ZNF48: variants seen among roughly 807,000 people sequenced by gnomAD.
ZNF48 encodes zinc finger protein 48.
Under a neutral mutation model 40.0 loss-of-function variants are expected in ZNF48, and 20 were observed. The ratio of observed to expected loss-of-function variants is 0.50; its 90% CI spans 0.35 to 0.73. ZNF48 has a LOEUF of 0.73. Among genes scored for constraint, ZNF48 ranks in the 30% least tolerant of loss-of-function variants. The probability of loss-of-function intolerance (pLI) is 0.01; values close to 1 mark genes in which losing one functional copy is unlikely to be tolerated. For synonymous variants in ZNF48, 298 were observed against 329.7 expected, an observed-to-expected ratio of 0.90 and a Z score of 1.04; for missense variants, 726 against 851.9, an observed-to-expected ratio of 0.85 and a Z score of 1.84.
At chr16:30,383,943 G>A (rs1270362152) in intron 1 of ZNF48, among the ~76,000 whole-genome samples, 4 of 152,170 alleles carry the variant, frequency 2.6e-5, no homozygotes, top group Admixed American at 6.6e-5. Flanking sequence ...CCTGGCTGGC[G>A]TGGTGGCTCA....
upstream of ZNF48, chr16:30,395,119 G>C (rs1436453212): frequency 1.4e-5 from 6 of 432,162 alleles, no homozygotes; most frequent in Non-Finnish European, 2.8e-5. The surrounding 1 kb of genome is among the most constrained non-coding windows in gnomAD (Gnocchi z 5.9). Context: ...CTCTTTCTTT[G>C]TCTCTCCCAG....
Position 30,382,472 on chromosome 16 carries a change from A to G in ZNF48, c.-16+4062A>G. 1 of 1,588,378 alleles carries G rather than the reference A, an allele frequency of 6.3e-7. No individual in the cohort carries two copies. Among genetic ancestry groups the G allele is most frequent in the South Asian group, 1.1e-5 (1 of 89,194 alleles). Reference sequence around the variant, plus strand: ...AGAGTCAGTGGGGTCTGGGGACCCCAGGCATGGGGGCTGGGGGCCGAGATG... The same window carrying G: ...AGAGTCAGTGGGGTCTGGGGACCCCGGGCATGGGGGCTGGGGGCCGAGATG... On this transcript the variant is annotated intron_variant, in intron 1 of 2. Coordinates refer to the ZNF48 transcript ENST00000528032. The surrounding 1 kb of genome is among the most constrained non-coding windows in gnomAD (Gnocchi z 4.8).
chr16:30,399,184 G>A lies in ZNF48; in HGVS notation c.*77G>A. 1 of 1,351,682 alleles carries A rather than the reference G, an allele frequency of 7.4e-7. No individual in the cohort carries two copies. Among genetic ancestry groups the A allele is most frequent in the Non-Finnish European group, 1.0e-6 (1 of 1,003,410 alleles). The allele number at this position is 1,351,682 out of a possible 1,614,324, so 83.7% of individuals were successfully genotyped here. ...GCTTAGCAGAGAAGAAAGGGCCTGG[G>A]AGGTGGTGGGAGGGAGAAGGAAGGG... is the stretch of plus-strand genomic sequence containing the variant. On this transcript the variant is annotated 3_prime_UTR_variant, in exon 3 of 3. Coordinates refer to ENST00000613509, the MANE Select transcript of ZNF48 (RefSeq NM_001214909.2).
In ZNF48 at chr16:30,397,148, G is replaced by A. The variant is rs1001939121; in HGVS notation, c.80-182G>A. 6.6e-6 allele frequency among the ~76,000 whole-genome samples: 1 copy of A among 152,108 alleles called. No individual in the cohort carries two copies. Among genetic ancestry groups the A allele is most frequent in the East Asian group, 1.9e-4 (1 of 5,200 alleles). ...GTTTGGTGAATGACATACATTAAGG[G>A]CACAGTAAAAAGAAGTTTTTATTGA... is the stretch of plus-strand genomic sequence containing the variant. On this transcript the variant is annotated intron_variant, in intron 2 of 2. Coordinates refer to ENST00000613509, the MANE Select transcript of ZNF48 (RefSeq NM_001214909.2). The surrounding 1 kb of genome is among the most constrained non-coding windows in gnomAD (Gnocchi z 4.1).
At chr16:30,384,468 G>A (rs1330899219) in intron 1 of ZNF48, among the ~76,000 whole-genome samples, 2 of 152,136 alleles carry the variant, frequency 1.3e-5, no homozygotes, top group African/African-American at 4.8e-5. Context: ...AGGTTGCAGC[G>A]AGCCAAGATC....
intron 1 of ZNF48, among the ~76,000 whole-genome samples, chr16:30,389,316 G>A (rs142571602): frequency 2.1e-3 from 321 of 151,768 alleles, no homozygotes; most frequent in Non-Finnish European, 3.5e-3. Flanking sequence ...GCGTGAACCC[G>A]GGAGGTGTAG....
Position 30,395,657 on chromosome 16 carries a change from C to T in ZNF48, c.-16+79C>T. ...GGCGCGGGCAGGGGGCACCGGGAGCCGCGCCCGTACCTGGGACCCGACGCC... is the reference window on the plus strand; with the variant it reads ...GGCGCGGGCAGGGGGCACCGGGAGCTGCGCCCGTACCTGGGACCCGACGCC... On this transcript the variant is annotated intron_variant, in intron 1 of 2. Transcript: ENST00000613509. This position sits in a 1 kb window ranked among gnomAD's most constrained non-coding sequence, Gnocchi z 5.9. 2 of 733,510 alleles carry T rather than the reference C, an allele frequency of 2.7e-6. No homozygotes were observed. The highest frequency in any genetic ancestry group is 4.9e-5 in the Admixed American group (1 of 20,446). 45.4% of individuals were successfully genotyped at this position (733,510 alleles called of 1,614,324 possible).
chr16:30,385,020 T>C (rs758388739), intron 1 of ZNF48, among the ~76,000 whole-genome samples: 2 of 151,424 alleles, frequency 1.3e-5, no homozygotes, highest in Middle Eastern at 3.4e-3. Flanking sequence ...CTACTAAAAA[T>C]ACAAAATTAG....
chr16:30,395,551 G>A lies in ZNF48; in HGVS notation c.-43G>A. The stretch of plus-strand genomic sequence containing the variant: ...GCTGAGGAGCTCCGGAGGGCGCCGG[G>A]GTGGCGGAGCCGGAGGCGGCCGGCA... On this transcript the variant is annotated 5_prime_UTR_variant, in exon 1 of 3. Transcript: ENST00000613509. The surrounding 1 kb of genome is among the most constrained non-coding windows in gnomAD (Gnocchi z 5.9). The A allele has an allele frequency of 4.5e-6, 1 of 222,036 alleles. No individual in the cohort carries two copies. Among genetic ancestry groups the A allele is most frequent in the Non-Finnish European group, 8.7e-6 (1 of 115,192 alleles). 13.8% of individuals were successfully genotyped at this position (222,036 alleles called of 1,614,324 possible). A position where few individuals can be genotyped will look rare whatever the true frequency, so the allele number is the denominator to read the frequency against.
rs769345363 is a variant in ZNF48 at position 30,398,183 on chromosome 16, G to A, written c.933G>A (p.Glu311=). 3 of 1,614,006 alleles carry A rather than the reference G, an allele frequency of 1.9e-6. No homozygotes were observed. Among genetic ancestry groups the A allele is most frequent in the Non-Finnish European group, 2.5e-6 (3 of 1,180,000 alleles). ...TTGGCTGTGATGTGTGTGGAAAGGA[G>A]TTTGCCCGGGGATCCGACCTGGTGA... ...KPFGCDVCGK[E]FARGSDLVKH... Residue 311 remains glutamate, a synonymous_variant, in exon 3 of 3, where the codon GAG becomes GAA. Coordinates refer to ENST00000613509, the MANE Select transcript of ZNF48 (RefSeq NM_001214909.2). The surrounding 1 kb of genome is among the most constrained non-coding windows in gnomAD (Gnocchi z 6.6).
chr16:30,399,301 T>A lies in ZNF48; in HGVS notation c.*194T>A. ...GTCCTGGCTGGGCTGAGTCAGGACC[T>A]TGCCAGGACGGGCTGTACCCCTGGC... is the stretch of plus-strand genomic sequence containing the variant. On this transcript the variant is annotated 3_prime_UTR_variant, in exon 3 of 3. Transcript: ENST00000613509. 1 of 576,598 alleles carries A rather than the reference T, an allele frequency of 1.7e-6. No homozygotes were observed. The highest frequency in any genetic ancestry group is 2.9e-5 in the South Asian group (1 of 34,830). 35.7% of individuals were successfully genotyped at this position (576,598 alleles called of 1,614,324 possible). A position where few individuals can be genotyped will look rare whatever the true frequency, so the allele number is the denominator to read the frequency against.
At chr16:30,387,042 A>G (rs1418508821) in intron 1 of ZNF48, among the ~76,000 whole-genome samples, 1 of 146,566 alleles carries the variant, frequency 6.8e-6, no homozygotes, top group East Asian at 2.0e-4. Context: ...TCCAGGGTTC[A>G]CGCCATTCTC....
At chr16:30,378,925 C>T in intron 1 of ZNF48, 1 of 1,282,846 alleles carries the variant, frequency 7.8e-7, no homozygotes, top group Admixed American at 2.0e-5. Context: ...GTGGTGAAGG[C>T]GGAGTCACGG....
At position 30,382,414 on chromosome 16, in the gene ZNF48, G is replaced by A. The variant is rs771229211; in HGVS notation, c.-16+4004G>A. ...GAGGCTGCTGGCAATGGCAGGCAGG[G>A]TCCCCAGGATCACTTGAGTTCCTGG... On this transcript the variant is annotated intron_variant, in intron 1 of 2. Transcript: ENST00000528032. The surrounding 1 kb of genome is among the most constrained non-coding windows in gnomAD (Gnocchi z 4.8). 9 of 1,571,218 alleles carry A rather than the reference G, an allele frequency of 5.7e-6. No homozygotes were observed. The highest frequency in any genetic ancestry group is 7.8e-6 in the Non-Finnish European group (9 of 1,148,550).
In ZNF48 at chr16:30,382,499, C is replaced by T. The variant is rs1316046095; in HGVS notation, c.-16+4089C>T. 6.3e-7 allele frequency: 1 copy of T among 1,598,148 alleles called. No individual in the cohort carries two copies. The highest frequency in any genetic ancestry group is 1.1e-5 in the South Asian group (1 of 89,176). ...GCATGGGGGCTGGGGGCCGAGATGC[C>T]CAGGTTTCTGGGTGTAAGGACTCAC... On this transcript the variant is annotated intron_variant, in intron 1 of 2. Coordinates refer to the ZNF48 transcript ENST00000528032. This position sits in a 1 kb window ranked among gnomAD's most constrained non-coding sequence, Gnocchi z 4.8.
At position 30,384,372 on chromosome 16, in the gene ZNF48, C is replaced by G. The variant is rs543355241; in HGVS notation, c.-16+5962C>G. On this transcript the variant is annotated intron_variant, in intron 1 of 2. Transcript: ENST00000528032. The stretch of plus-strand genomic sequence containing the variant: ...TGAAACCCCATCTCTACTAAAAATA[C>G]AAAAAATTAGCTGGGCATGGTGGCA... 2.7e-5 allele frequency among the ~76,000 whole-genome samples: 4 copies of G among 150,310 alleles called. No homozygotes were observed. In the East Asian group the frequency reaches 7.9e-4, roughly 30 times the overall value.
intron 1 of ZNF48, among the ~76,000 whole-genome samples, chr16:30,387,202 C>T: frequency 6.7e-6 from 1 of 149,004 alleles, no homozygotes; most frequent in African/African-American, 2.4e-5. Flanking sequence ...CTTGGCCTCC[C>T]AAAGTGCTGG....
In ZNF48 at chr16:30,398,528, G is replaced by A. The variant is rs765964104; in HGVS notation, c.1278G>A (p.Leu426=). The change falls in exon 3 of 3, where the codon CTG becomes CTA. Residue 426 remains leucine, a synonymous_variant. Transcript: ENST00000613509. The surrounding 1 kb of genome is among the most constrained non-coding windows in gnomAD (Gnocchi z 6.6). ...SPSHSGEPFG[L]PGLEPEPGGP... ...CACACTCGGGTGAGCCTTTTGGCCT[G>A]CCTGGCTTGGAGCCAGAGCCTGGGG... 2 of 1,603,796 alleles carry A rather than the reference G, an allele frequency of 1.2e-6. No individual in the cohort carries two copies. The highest frequency in any genetic ancestry group is 1.7e-6 in the Non-Finnish European group (2 of 1,175,286).
upstream of ZNF48, among the ~76,000 whole-genome samples, chr16:30,391,848 G>GTTTTT: frequency 6.9e-6 from 1 of 145,398 alleles, no homozygotes; most frequent in Non-Finnish European, 1.5e-5. Context: ...TGGCGGGGGG[G>GTTTTT]TGGGGGTGGG....
Sources: gnomAD v4.1 joint callset for allele counts (sites outside exome capture counted in the v4.1 genomes callset) on GRCh38, gnomAD v4.1.1 for gene constraint, Gnocchi (gnomAD v3.1) non-coding constraint, MANE v1.5 for transcripts, NCBI Gene and HGNC (gene_info 2026-07-23, HGNC 2026-07-21) for gene names.